Variants in ANK2 observed in about 807,000 individuals in gnomAD.
ANK2 encodes ankyrin 2.
In ANK2, 83 loss-of-function variants were observed where a neutral mutation model predicts 360.5. The ratio of observed to expected loss-of-function variants is 0.23; its 90% CI spans 0.19 to 0.28. ANK2 has a LOEUF of 0.28. ANK2 is among the 10% of genes least tolerant of loss of function. The pLI is 1.00. For synonymous variants in ANK2, 1,740 were observed against 1,759.5 expected (o/e 0.99, Z 0.28); for missense variants, 4,201 against 4,795.7 (o/e 0.88, Z 3.66).
intron 18 of ANK2, among the ~76,000 whole-genome samples, chr4:113,285,025 CATAAA>C (rs1384911673): frequency 2.6e-5 from 4 of 152,026 alleles, no homozygotes; most frequent in Non-Finnish European, 5.9e-5. Context: ...CACCATCTAT[CATAAA>C]ATAAAACCAA....
In ANK2 at chr4:113,373,081, AC is replaced by A. The variant is rs768685969; in HGVS notation, c.11611-8del. 7 of 1,613,262 alleles carry A rather than the reference AC, an allele frequency of 4.3e-6. No individual in the cohort carries two copies. Among genetic ancestry groups the A allele is most frequent in the Non-Finnish European group, 5.1e-6 (6 of 1,179,264 alleles). Reference sequence around the variant, plus strand: ...ACACCACAGTGACCCTTTTCTCTCAACTGTTTAGGGAGACGATATGCCTGAA... The same window carrying A: ...ACACCACAGTGACCCTTTTCTCTCAATGTTTAGGGAGACGATATGCCTGAA... On this transcript the variant is annotated splice_polypyrimidine_tract_variant and splice_region_variant and intron_variant, in intron 43 of 45. Coordinates refer to ENST00000357077, the MANE Select transcript of ANK2 (RefSeq NM_001148.6).
At chr4:113,342,705 A>C (rs1251869643) in intron 33 of ANK2, among the ~76,000 whole-genome samples, 2 of 152,182 alleles carry the variant, frequency 1.3e-5, no homozygotes. Context: ...GTCTCAAAAA[A>C]AAAAAAAAAT....
chr4:113,087,472 A>G (rs569306648), intron 1 of ANK2, among the ~76,000 whole-genome samples: 1 of 152,278 alleles, frequency 6.6e-6, no homozygotes, highest in African/African-American at 2.4e-5. Flanking sequence ...TATTCTATAG[A>G]AATTTAAAGT....
intron 2 of ANK2, among the ~76,000 whole-genome samples, chr4:112,932,290 G>A (rs1252197177): frequency 2.6e-5 from 4 of 151,966 alleles, no homozygotes; most frequent in Admixed American, 6.6e-5. Context: ...TCAGGAGTTC[G>A]AGACCAGCCT....
chr4:113,007,475 G>A (rs1008562917), intron 2 of ANK2, among the ~76,000 whole-genome samples: 9 of 152,154 alleles, frequency 5.9e-5, no homozygotes, highest in Non-Finnish European at 1.2e-4. Context: ...GGGCATCAGA[G>A]TATGTTTTTT....
intron 1 of ANK2, chr4:112,882,004 G>A: frequency 1.8e-6 from 1 of 540,642 alleles, no homozygotes; most frequent in Admixed American, 2.5e-5. Context: ...CTTGGTGCTT[G>A]CATGTCTACT....
At chr4:112,932,854 A>G (rs1296104993) in intron 2 of ANK2, among the ~76,000 whole-genome samples, 1 of 152,158 alleles carries the variant, frequency 6.6e-6, no homozygotes, top group Admixed American at 6.5e-5. Flanking sequence ...TTCTTTCTAT[A>G]TTCAGAATAA....
the ANK2 span, among the ~76,000 whole-genome samples, chr4:112,723,229 T>C: frequency 6.6e-6 from 1 of 152,312 alleles, no homozygotes; most frequent in Admixed American, 6.5e-5. Flanking sequence ...ATTACTGCAG[T>C]GGAAGGGAGG....
chr4:113,372,646 G>T, intron 43 of ANK2: 3 of 1,472,152 alleles, frequency 2.0e-6, no homozygotes, highest in Non-Finnish European at 2.8e-6. Context: ...TTAAATTACT[G>T]CACGTCAGGG....
In ANK2 at chr4:113,311,393, C is replaced by A. The variant is rs1563653033; in HGVS notation, c.2687C>A (p.Ser896Tyr). ...YLRYSLEGGRSDSLRSFSSDR... is the reference protein window; with the variant it reads ...YLRYSLEGGRYDSLRSFSSDR... The stretch of plus-strand genomic sequence containing the variant: ...CGATACAGCTTGGAGGGAGGACGAT[C>A]TGACAGGTATCTCATAAAACTTATA... Residue 896 changes from serine to tyrosine, a missense_variant, in exon 24 of 46, where the codon TCT (serine) becomes TAT (tyrosine). Physicochemically the swap from Ser to Tyr is moderately radical, Grantham distance 144. Coordinates refer to ENST00000357077, the MANE Select transcript of ANK2 (RefSeq NM_001148.6). The A allele has an allele frequency of 6.2e-7, 1 of 1,614,044 alleles. No homozygotes were observed. The highest frequency in any genetic ancestry group is 8.5e-7 in the Non-Finnish European group (1 of 1,180,006).
chr4:112,838,799 G>A (rs911449013), intron 1 of ANK2, among the ~76,000 whole-genome samples: 2 of 152,216 alleles, frequency 1.3e-5, no homozygotes, highest in Admixed American at 6.5e-5. Flanking sequence ...AACCTGGGAG[G>A]CAGAGGTTGC....
chr4:112,991,422 T>C (rs1185899397), intron 2 of ANK2, among the ~76,000 whole-genome samples: 2 of 152,026 alleles, frequency 1.3e-5, no homozygotes, highest in African/African-American at 2.4e-5. Flanking sequence ...TAGGGTGGCT[T>C]AAAACCCAGA....
chr4:112,987,030 C>A (rs1020535099), intron 2 of ANK2, among the ~76,000 whole-genome samples: 3 of 152,136 alleles, frequency 2.0e-5, no homozygotes, highest in Non-Finnish European at 4.4e-5. Context: ...AGCTGATGAG[C>A]TAAAACACAC....
chr4:113,302,649 C>T, intron 22 of ANK2, 118 bp from the exon 23 acceptor site: 1 of 793,554 alleles, frequency 1.3e-6, no homozygotes, highest in Non-Finnish European at 2.2e-6. Flanking sequence ...GGGAAAGATC[C>T]CGTAGTCATG....
rs114859416 is a variant in ANK2, at chr4:113,289,242, G to A, written c.2277+756G>A. Among the ~76,000 whole-genome samples the A allele has an allele frequency of 8.3e-3, 1,211 of 146,308 alleles. 6 individuals carry two copies. The highest frequency in any genetic ancestry group is 0.013 in the Non-Finnish European group (892 of 66,980). ...TTTTTTTTTTTTTTTTTAAGACAGG[G>A]TCTTACTCTGTTGCCCAGGCTGGAA... On this transcript the variant is annotated intron_variant, in intron 20 of 45. Coordinates refer to ENST00000357077, the MANE Select transcript of ANK2 (RefSeq NM_001148.6).
chr4:112,761,726 A>ATGC, the ANK2 span, among the ~76,000 whole-genome samples: 19 of 152,330 alleles, frequency 1.2e-4, no homozygotes, highest in East Asian at 3.3e-3. Flanking sequence ...TGCCTACAAA[A>ATGC]TGCTTGTCAT....
At chr4:112,865,972 T>TACAC (rs142913427) in intron 1 of ANK2, among the ~76,000 whole-genome samples, 8 of 150,922 alleles carry the variant, frequency 5.3e-5, no homozygotes, top group Non-Finnish European at 8.9e-5. Flanking sequence ...AAAGATTTGT[T>TACAC]ACACACACAC....
chr4:113,343,281 C>A, intron 34 of ANK2, 139 bp downstream of exon 34: 1 of 901,616 alleles, frequency 1.1e-6, no homozygotes, highest in Non-Finnish European at 1.7e-6. Flanking sequence ...GTTTTACAGC[C>A]CTGGGAAACA....
chr4:113,288,570 A>G, intron 20 of ANK2, 84 bp downstream of exon 20: 1 of 1,180,596 alleles, frequency 8.5e-7, no homozygotes, highest in African/African-American at 1.5e-5. Context: ...CAAAGCTACA[A>G]GTGTATTTTT....
Sources: gnomAD v4.1 joint callset for allele counts (sites outside exome capture counted in the v4.1 genomes callset) on GRCh38, gnomAD v4.1.1 for gene constraint, MANE v1.5 for transcripts, NCBI Gene and HGNC (gene_info 2026-07-23, HGNC 2026-07-21) for gene names.